Variants in CHODL observed in about 807,000 individuals in gnomAD.
CHODL encodes the protein transmembrane protein MT75.
Under a neutral mutation model 34.5 loss-of-function variants are expected in CHODL, and 29 were observed. That is an observed-to-expected ratio of 0.84 (90% CI 0.63 to 1.15). The LOEUF is 1.15. CHODL is among the 50% of genes most tolerant of loss of function. CHODL has a pLI of 0.00. For synonymous variants in CHODL, 125 were observed against 116.1 expected, an observed-to-expected ratio of 1.08 and a Z score of -0.49; for missense variants, 332 against 332.5, an observed-to-expected ratio of 1.00 and a Z score of 0.01.
intron 2 of CHODL, among the ~76,000 whole-genome samples, chr21:18,184,942 C>G (rs1249686841): frequency 1.3e-5 from 2 of 152,310 alleles, no homozygotes; most frequent in East Asian, 3.9e-4. Flanking sequence ...CTCACAGCCT[C>G]TTTTCTTGGT....
intron 2 of CHODL, among the ~76,000 whole-genome samples, chr21:18,155,816 A>G (rs1308561067): frequency 6.6e-6 from 1 of 152,228 alleles, no homozygotes; most frequent in East Asian, 1.9e-4. Context: ...TGAGGAGGCT[A>G]CTGATTTAAT....
At chr21:18,028,725 A>T (rs2064213489) in intron 2 of CHODL, among the ~76,000 whole-genome samples, 1 of 146,308 alleles carries the variant, frequency 6.8e-6, no homozygotes, top group South Asian at 2.2e-4. Context: ...AAAAAAAAGA[A>T]CTAGTCTTGT....
rs555946594 is a variant in CHODL at position 17,978,876 on chromosome 21, T to C, written c.-144-48996T>C. ...GTGGTTGAAATGCTAAGGTTCTTTT[T>C]TTTCTTGTTGGCTGTCAGCGAAGGC... On this transcript the variant is annotated intron_variant, in intron 1 of 6. Coordinates refer to the CHODL transcript ENST00000400127. Among the ~76,000 whole-genome samples, 8 of 152,202 alleles carry C rather than the reference T, an allele frequency of 5.3e-5. No individual in the cohort carries two copies. The South Asian group carries it at 1.7e-3, about 31-fold the overall frequency.
intron 1 of CHODL, among the ~76,000 whole-genome samples, chr21:18,003,485 C>G (rs1182965342): frequency 6.6e-6 from 1 of 151,524 alleles, no homozygotes; most frequent in South Asian, 2.1e-4. Context: ...AAGTGATAGG[C>G]AGACTGTTAA....
intron 2 of CHODL, among the ~76,000 whole-genome samples, chr21:18,201,944 A>G (rs1472128276): frequency 1.3e-5 from 2 of 151,680 alleles, no homozygotes; most frequent in South Asian, 2.1e-4. Flanking sequence ...AGTTGGGACT[A>G]CAGGCGACCG....
At chr21:17,931,165 T>C (rs1045689896) in intron 1 of CHODL, among the ~76,000 whole-genome samples, 1 of 152,188 alleles carries the variant, frequency 6.6e-6, no homozygotes, top group South Asian at 2.1e-4. Flanking sequence ...GTGCTCCTCA[T>C]TGAAGTATTC....
At chr21:17,931,911 A>G (rs2063276638) in intron 1 of CHODL, among the ~76,000 whole-genome samples, 1 of 152,210 alleles carries the variant, frequency 6.6e-6, no homozygotes, top group African/African-American at 2.4e-5. Flanking sequence ...ATTTATGACT[A>G]AGAACTCAAA....
At chr21:18,190,499 T>C (rs975369987) in intron 2 of CHODL, among the ~76,000 whole-genome samples, 1 of 152,242 alleles carries the variant, frequency 6.6e-6, no homozygotes, top group Non-Finnish European at 1.5e-5. Flanking sequence ...TTTTAAGTCA[T>C]TGGGTTCTCA....
intron 2 of CHODL, among the ~76,000 whole-genome samples, chr21:18,184,470 A>G (rs2073417001): frequency 6.6e-6 from 1 of 152,198 alleles, no homozygotes; most frequent in Non-Finnish European, 1.5e-5. Context: ...GAATAAGCAC[A>G]TTTGGTTTCA....
intron 2 of CHODL, among the ~76,000 whole-genome samples, chr21:18,056,324 GAAAT>G (rs1312030960): frequency 1.3e-5 from 2 of 151,434 alleles, no homozygotes; most frequent in Non-Finnish European, 2.9e-5. Context: ...TAATAAAAGA[GAAAT>G]AATTTTTTAT....
chr21:17,920,448 C>T (rs964772535), intron 1 of CHODL, among the ~76,000 whole-genome samples: 3 of 152,150 alleles, frequency 2.0e-5, no homozygotes, highest in African/African-American at 7.2e-5. Context: ...TCTTGTGAGA[C>T]TCATTCACTA....
At chr21:18,195,192 C>T (rs2073571482) in intron 2 of CHODL, among the ~76,000 whole-genome samples, 1 of 151,948 alleles carries the variant, frequency 6.6e-6, no homozygotes, top group Non-Finnish European at 1.5e-5. Flanking sequence ...GTAGCTGGGA[C>T]TACAGGTGCC....
chr21:18,144,793 G>A (rs962877804), intron 2 of CHODL, among the ~76,000 whole-genome samples: 3 of 151,160 alleles, frequency 2.0e-5, no homozygotes, highest in Non-Finnish European at 4.4e-5. Flanking sequence ...TCAGGAGGGC[G>A]GGGCAAGTGA....
At chr21:18,168,433 A>G (rs9637046) in intron 2 of CHODL, among the ~76,000 whole-genome samples, 76,845 of 152,080 alleles carry the variant, frequency 0.51, 21,552 homozygotes, top group Non-Finnish European at 0.65. Context: ...TGAGTTGTCA[A>G]CACTAATGTC....
At chr21:18,228,415 G>T (rs1419235303) in intron 2 of CHODL, among the ~76,000 whole-genome samples, 1 of 152,040 alleles carries the variant, frequency 6.6e-6, no homozygotes, top group Non-Finnish European at 1.5e-5. Flanking sequence ...ACCCACAGAT[G>T]GTTTTATCTT....
intron 2 of CHODL, among the ~76,000 whole-genome samples, chr21:18,173,347 C>T (rs1307512998): frequency 6.6e-6 from 1 of 152,188 alleles, no homozygotes; most frequent in Non-Finnish European, 1.5e-5. Context: ...TATCCAAGGT[C>T]ACGGGCCATT....
At chr21:18,172,917 G>A (rs1054096399) in intron 2 of CHODL, among the ~76,000 whole-genome samples, 1 of 152,034 alleles carries the variant, frequency 6.6e-6, no homozygotes, top group South Asian at 2.1e-4. Flanking sequence ...CTGGAGCTGT[G>A]GTCCTCTCCC....
intron 1 of CHODL, among the ~76,000 whole-genome samples, chr21:18,002,427 A>T (rs1302381264): frequency 1.3e-5 from 2 of 152,176 alleles, no homozygotes; most frequent in African/African-American, 2.4e-5. Context: ...TATTTCAAAC[A>T]TACTTCTCTC....
chr21:17,976,083 A>T (rs1313442519), intron 1 of CHODL, among the ~76,000 whole-genome samples: 3 of 151,876 alleles, frequency 2.0e-5, no homozygotes, highest in African/African-American at 7.3e-5. Context: ...TAAAAGACAC[A>T]ATTTCTGTGA....
Sources: gnomAD v4.1 joint callset for allele counts (sites outside exome capture counted in the v4.1 genomes callset) on GRCh38, gnomAD v4.1.1 for gene constraint, MANE v1.5 for transcripts, NCBI Gene and HGNC (gene_info 2026-07-23, HGNC 2026-07-21) for gene names.